Variants in RBFOX1 observed in about 807,000 individuals in gnomAD.
RBFOX1 encodes RNA binding fox-1 homolog 1, also known as RNA binding protein fox-1 homolog 1.
RBFOX1 carries 8 observed loss-of-function variants against 57.7 expected under a neutral mutation model. The observed-to-expected ratio is 0.14, with a 90% confidence interval of 0.08 to 0.25. The LOEUF (loss-of-function observed/expected upper bound fraction) is 0.25, where lower values mean the gene tolerates loss of function less well. Among genes scored for constraint, RBFOX1 ranks in the 10% least tolerant of loss-of-function variants. RBFOX1 has a pLI of 1.00. For missense variants in RBFOX1, 611 were observed against 548.5 expected (o/e 1.11, Z -1.14); for synonymous variants, 326 against 222.4 (o/e 1.47, Z -4.15).
At position 7,448,028 on chromosome 16, in the gene RBFOX1, C is replaced by A. The variant is rs114180035; in HGVS notation, c.28-70119C>A. Among the ~76,000 whole-genome samples, 12 of 152,296 alleles carry A rather than the reference C, an allele frequency of 7.9e-5. No individual in the cohort carries two copies. In the East Asian group the frequency reaches 2.3e-3, roughly 29 times the overall value. On this transcript the variant is annotated intron_variant, in intron 4 of 15. Transcript: ENST00000550418. ...TTAGAAACACCCACCCTCCTTTCTTCTGAAGCATGTGAAAGTTGTAAAACA... is the reference window on the plus strand; with the variant it reads ...TTAGAAACACCCACCCTCCTTTCTTATGAAGCATGTGAAAGTTGTAAAACA...
intron 3 of RBFOX1, among the ~76,000 whole-genome samples, chr16:5,651,850 T>C (rs940246232): frequency 2.6e-5 from 4 of 152,280 alleles, no homozygotes; most frequent in East Asian, 3.9e-4. Flanking sequence ...ATAATGCTTT[T>C]AGGCCGGGCA....
intron 12 of RBFOX1, among the ~76,000 whole-genome samples, chr16:7,660,807 G>C (rs2067528645): frequency 6.6e-6 from 1 of 152,158 alleles, no homozygotes; most frequent in African/African-American, 2.4e-5. Context: ...TGTTTCAAAA[G>C]TCCTCCAGGT....
intron 1 of RBFOX1, among the ~76,000 whole-genome samples, chr16:5,356,407 C>T (rs17137888): frequency 0.041 from 6,201 of 152,300 alleles, 384 homozygotes; most frequent in African/African-American, 0.14. Context: ...ACTAAACTTT[C>T]TTCGTGACTC....
At chr16:7,116,604 A>C (rs1043739314) in intron 4 of RBFOX1, among the ~76,000 whole-genome samples, 1 of 152,164 alleles carries the variant, frequency 6.6e-6, no homozygotes, top group East Asian at 1.9e-4. Context: ...AAGAAAAACA[A>C]AGCCCACAGC....
At chr16:5,452,649 C>CTT (rs886561170) in intron 1 of RBFOX1, among the ~76,000 whole-genome samples, 1 of 144,590 alleles carries the variant, frequency 6.9e-6, no homozygotes, top group African/African-American at 2.5e-5. Context: ...TAAACCTTGA[C>CTT]TTTTTTTTTT....
chr16:5,570,647 C>A (rs908752535), intron 2 of RBFOX1, among the ~76,000 whole-genome samples: 4 of 152,074 alleles, frequency 2.6e-5, no homozygotes, highest in Admixed American at 2.0e-4. Flanking sequence ...TGAGACCAGC[C>A]TTGCCAACAT....
At position 6,896,728 on chromosome 16, in the gene RBFOX1, A is replaced by G. The variant is rs113743108; in HGVS notation, c.-15-155329A>G. On this transcript the variant is annotated intron_variant, in intron 3 of 15. Coordinates refer to ENST00000550418, the MANE Select transcript of RBFOX1 (RefSeq NM_018723.4). ...AAAAGTGCCCGGTAAATTATGCTCT[A>G]TGAATGCGAGGTCTGTGGATTGCTC... Among the ~76,000 whole-genome samples the G allele has an allele frequency of 3.3e-5, 5 of 152,304 alleles. 1 individual carries two copies. The highest frequency in any genetic ancestry group is 1.2e-4 in the African/African-American group (5 of 41,558).
At chr16:6,979,536 T>C (rs1239771291) in intron 3 of RBFOX1, among the ~76,000 whole-genome samples, 5 of 152,198 alleles carry the variant, frequency 3.3e-5, no homozygotes, top group African/African-American at 7.2e-5. Context: ...ATATCTTCAA[T>C]TGGATACAGC....
In RBFOX1 at chr16:6,952,008, A is replaced by G. The variant is rs1432523887; in HGVS notation, c.-15-100049A>G. ...GGCAACATTACCAAAAAGCATATTAACAGGAAAGATAATTGTGGCCACTGT... is the reference window on the plus strand; with the variant it reads ...GGCAACATTACCAAAAAGCATATTAGCAGGAAAGATAATTGTGGCCACTGT... On this transcript the variant is annotated intron_variant, in intron 3 of 15. Transcript: ENST00000550418. 2.6e-5 allele frequency among the ~76,000 whole-genome samples: 4 copies of G among 152,218 alleles called. No homozygotes were observed. The East Asian group carries it at 7.7e-4, about 29-fold the overall frequency.
At chr16:5,737,244 G>T (rs529245750) in intron 3 of RBFOX1, among the ~76,000 whole-genome samples, 1 of 152,194 alleles carries the variant, frequency 6.6e-6, no homozygotes, top group Non-Finnish European at 1.5e-5. Flanking sequence ...AGCACTTTGG[G>T]AGGCCAAGGC....
chr16:5,593,757 C>G (rs528564236), intron 2 of RBFOX1, among the ~76,000 whole-genome samples: 7 of 152,360 alleles, frequency 4.6e-5, no homozygotes, highest in Non-Finnish European at 8.8e-5. Flanking sequence ...GGGGACTGCT[C>G]TATGGAGTGG....
chr16:5,367,618 C>T (rs1450007115), intron 1 of RBFOX1, among the ~76,000 whole-genome samples: 3 of 152,204 alleles, frequency 2.0e-5, no homozygotes, highest in Non-Finnish European at 4.4e-5. Context: ...GTAACAGCAG[C>T]TCTAGCTTAA....
chr16:6,552,750 T>C (rs2097016006), intron 2 of RBFOX1, among the ~76,000 whole-genome samples: 2 of 152,052 alleles, frequency 1.3e-5, no homozygotes, highest in Admixed American at 6.6e-5. Context: ...CCAAAAATTA[T>C]ATAGAAAATG....
intron 1 of RBFOX1, among the ~76,000 whole-genome samples, chr16:5,264,937 C>G (rs1279723971): frequency 6.6e-6 from 1 of 151,940 alleles, no homozygotes. Context: ...TTGAAGTTAC[C>G]AAGATTTAGG....
chr16:6,849,028 G>C (rs575725996), intron 3 of RBFOX1, among the ~76,000 whole-genome samples: 5 of 152,150 alleles, frequency 3.3e-5, no homozygotes, highest in African/African-American at 4.8e-5. Flanking sequence ...CATTGGCCAG[G>C]CTTACGTGTC....
At chr16:5,518,206 T>C (rs1461557914) in intron 2 of RBFOX1, among the ~76,000 whole-genome samples, 1 of 152,226 alleles carries the variant, frequency 6.6e-6, no homozygotes, top group African/African-American at 2.4e-5. Context: ...TGATGGATGA[T>C]GTTCCTTGGT....
At chr16:6,418,419 A>G (rs935631433) in intron 2 of RBFOX1, among the ~76,000 whole-genome samples, 1 of 152,150 alleles carries the variant, frequency 6.6e-6, no homozygotes, top group Non-Finnish European at 1.5e-5. Context: ...TGGGAGTTAT[A>G]AAGTAGGGTG....
intron 3 of RBFOX1, among the ~76,000 whole-genome samples, chr16:6,902,596 C>A (rs1186342736): frequency 6.6e-6 from 1 of 152,124 alleles, no homozygotes; most frequent in Non-Finnish European, 1.5e-5. Context: ...GTGGCACACA[C>A]CTGTAATCCC....
chr16:5,400,307 G>C (rs894630184), intron 1 of RBFOX1, among the ~76,000 whole-genome samples: 1 of 151,474 alleles, frequency 6.6e-6, no homozygotes, highest in African/African-American at 2.4e-5. Context: ...TGGTCAGGCT[G>C]GTCTGCAACT....
Sources: gnomAD v4.1 joint callset for allele counts (sites outside exome capture counted in the v4.1 genomes callset) on GRCh38, gnomAD v4.1.1 for gene constraint, MANE v1.5 for transcripts, NCBI Gene and HGNC (gene_info 2026-07-23, HGNC 2026-07-21) for gene names.